PDE4D: variants seen among roughly 807,000 people sequenced by gnomAD.
PDE4D encodes phosphodiesterase 4D, also known as 3',5'-cyclic-AMP phosphodiesterase 4D.
Under a neutral mutation model 87.4 loss-of-function variants are expected in PDE4D, and 24 were observed. The ratio of observed to expected loss-of-function variants is 0.27; its 90% CI spans 0.20 to 0.39. The LOEUF is 0.39. PDE4D is among the 10% of genes least tolerant of loss of function. The pLI, the probability that PDE4D is intolerant of heterozygous loss-of-function variation, is 1.00. For missense variants in PDE4D, 714 were observed against 1,041.0 expected, an observed-to-expected ratio of 0.69 and a Z score of 4.32; for synonymous variants, 384 against 383.2, an observed-to-expected ratio of 1.00 and a Z score of -0.02.
chr5:60,083,375 A>G (rs1774182098), intron 2 of PDE4D, among the ~76,000 whole-genome samples: 1 of 152,248 alleles, frequency 6.6e-6, no homozygotes, highest in South Asian at 2.1e-4. Context: ...AAAACAAGCA[A>G]TAAGAAAAAG....
intron 5 of PDE4D, among the ~76,000 whole-genome samples, chr5:59,108,955 ATG>A (rs57004711): frequency 0.25 from 30,461 of 121,482 alleles, 4,073 homozygotes; most frequent in East Asian, 0.38. Context: ...TAGGAACTCA[ATG>A]TGTGTGTGTG....
At chr5:60,070,989 T>A (rs1170579633) in intron 2 of PDE4D, among the ~76,000 whole-genome samples, 1 of 152,042 alleles carries the variant, frequency 6.6e-6, no homozygotes, top group Non-Finnish European at 1.5e-5. Flanking sequence ...AGTTATCTCT[T>A]TTGATTCTTT....
intron 2 of PDE4D, among the ~76,000 whole-genome samples, chr5:59,999,135 G>C (rs1763794317): frequency 6.6e-6 from 1 of 152,120 alleles, no homozygotes; most frequent in Non-Finnish European, 1.5e-5. Context: ...ATGAGAAAAG[G>C]CATTTCACGT....
chr5:59,835,664 CAG>C (rs1408982097), intron 1 of PDE4D, among the ~76,000 whole-genome samples: 2 of 151,980 alleles, frequency 1.3e-5, no homozygotes, highest in Non-Finnish European at 2.9e-5. Flanking sequence ...GTACTTGAAA[CAG>C]AGCATGGAGC....
chr5:59,247,506 C>T (rs17589766), intron 1 of PDE4D, among the ~76,000 whole-genome samples: 11,700 of 152,086 alleles, frequency 0.077, 1,293 homozygotes, highest in East Asian at 0.52. Context: ...GGATAGAGTA[C>T]AATGGCTTTT....
chr5:59,215,730 T>C, intron 2 of PDE4D, 47 bp downstream of exon 2: 1 of 1,506,228 alleles, frequency 6.6e-7, no homozygotes, highest in South Asian at 1.1e-5. Flanking sequence ...CAGCTCTAGA[T>C]ATAAATTTAC....
intron 1 of PDE4D, among the ~76,000 whole-genome samples, chr5:59,891,060 G>C (rs964975878): frequency 6.6e-6 from 1 of 152,168 alleles, no homozygotes; most frequent in Non-Finnish European, 1.5e-5. Flanking sequence ...TAAGTCTAAG[G>C]ATCCTTAAAT....
chr5:60,342,989 T>C (rs1350950275), intron 1 of PDE4D, among the ~76,000 whole-genome samples: 1 of 152,240 alleles, frequency 6.6e-6, no homozygotes, highest in Non-Finnish European at 1.5e-5. Flanking sequence ...TTAATTTTAA[T>C]GCCATGCTAC....
At chr5:59,295,422 C>T (rs1768867442) in intron 1 of PDE4D, among the ~76,000 whole-genome samples, 1 of 152,106 alleles carries the variant, frequency 6.6e-6, no homozygotes, top group Admixed American at 6.5e-5. Context: ...CTTTCTCTTT[C>T]TGGTCTTGAC....
chr5:60,060,087 GGAGAA>G (rs1219893508), intron 2 of PDE4D, among the ~76,000 whole-genome samples: 6 of 151,888 alleles, frequency 4.0e-5, no homozygotes, highest in South Asian at 4.1e-4. Flanking sequence ...AAGATAATTT[GGAGAA>G]GAGAAGAAAA....
At chr5:60,289,644 T>A (rs1304418981) in intron 1 of PDE4D, among the ~76,000 whole-genome samples, 1 of 152,226 alleles carries the variant, frequency 6.6e-6, no homozygotes, top group Admixed American at 6.5e-5. Flanking sequence ...TCTGGTTAAA[T>A]GTTTAAAGCT....
chr5:59,935,153 AGACTTTG>A (rs1756428339), intron 3 of PDE4D, among the ~76,000 whole-genome samples: 1 of 152,166 alleles, frequency 6.6e-6, no homozygotes, highest in African/African-American at 2.4e-5. Flanking sequence ...AACTTAGAAA[AGACTTTG>A]GAATGAAAGA....
At chr5:59,914,532 A>C (rs1561854862) in intron 3 of PDE4D, among the ~76,000 whole-genome samples, 3 of 110,676 alleles carry the variant, frequency 2.7e-5, no homozygotes, top group Non-Finnish European at 1.8e-5. Context: ...AGCCAGGAAG[A>C]TGTATGTGTG....
chr5:60,272,961 C>T (rs1363838355), intron 1 of PDE4D, among the ~76,000 whole-genome samples: 1 of 152,152 alleles, frequency 6.6e-6, no homozygotes, highest in Non-Finnish European at 1.5e-5. Context: ...ACCTCAAAAC[C>T]TCTCTCACAC....
chr5:60,123,564 G>T (rs912622356), intron 2 of PDE4D, among the ~76,000 whole-genome samples: 1 of 151,940 alleles, frequency 6.6e-6, no homozygotes, highest in African/African-American at 2.4e-5. Context: ...ATCTCCCACC[G>T]AGTCCCTCCC....
At chr5:59,445,936 C>T (rs1023051851) in intron 1 of PDE4D, among the ~76,000 whole-genome samples, 2 of 152,080 alleles carry the variant, frequency 1.3e-5, no homozygotes, top group African/African-American at 4.8e-5. Flanking sequence ...GTCATACATA[C>T]CTGAGTGTTG....
Position 60,109,185 on chromosome 5 carries a change from C to G in PDE4D, c.42+76372G>C, listed in dbSNP as rs905379279. 2.6e-5 allele frequency among the ~76,000 whole-genome samples: 4 copies of G among 152,208 alleles called. No homozygotes were observed. In the East Asian group the frequency reaches 5.8e-4, roughly 22 times the overall value. On this transcript the variant is annotated intron_variant, in intron 2 of 16. Coordinates refer to the PDE4D transcript ENST00000502484. ...ACAAGAAAAAAACAAACAACCCCATCAAAAAGTGGGCGAAGGCCATGAACA... is the reference window on the plus strand; with the variant it reads ...ACAAGAAAAAAACAAACAACCCCATGAAAAAGTGGGCGAAGGCCATGAACA...
chr5:59,679,544 C>T (rs555352828), intron 1 of PDE4D, among the ~76,000 whole-genome samples: 2 of 152,256 alleles, frequency 1.3e-5, no homozygotes, highest in Admixed American at 6.5e-5. Flanking sequence ...AATATATGCA[C>T]TCCACACAAA....
intron 1 of PDE4D, among the ~76,000 whole-genome samples, chr5:59,695,968 C>G (rs1293726717): frequency 6.6e-6 from 1 of 151,958 alleles, no homozygotes; most frequent in Non-Finnish European, 1.5e-5. Flanking sequence ...TCATTCAACT[C>G]GACATGTGGA....
Sources: gnomAD v4.1 joint callset for allele counts (sites outside exome capture counted in the v4.1 genomes callset) on GRCh38, gnomAD v4.1.1 for gene constraint, MANE v1.5 for transcripts, NCBI Gene and HGNC (gene_info 2026-07-23, HGNC 2026-07-21) for gene names.